The following BRF1 variants were observed in gnomAD, a reference collection of about 807,000 sequenced individuals.
BRF1 encodes the protein transcription factor IIIB 90 kDa subunit.
A neutral mutation model predicts 81.7 loss-of-function variants in BRF1; 59 were observed. That is an observed-to-expected ratio of 0.72 (90% CI 0.59 to 0.90). The LOEUF (loss-of-function observed/expected upper bound fraction) is 0.90, where lower values mean the gene tolerates loss of function less well. Ranked by LOEUF, BRF1 falls within the 40% of genes least tolerant of loss-of-function variation. The probability of loss-of-function intolerance (pLI) is 0.00; values close to 1 mark genes in which losing one functional copy is unlikely to be tolerated. For synonymous variants in BRF1, 491 were observed against 395.6 expected (o/e 1.24, Z -2.86); for missense variants, 1,050 against 936.3 (o/e 1.12, Z -1.58).
At chr14:105,246,757 T>C in intron 5 of BRF1, 4 of 967,054 alleles carry the variant, frequency 4.1e-6, no homozygotes, top group Non-Finnish European at 4.9e-6. Context: ...GCGCCCAACC[T>C]ACACTGTAAC....
At chr14:105,222,560 C>T (rs1409619426) in intron 10 of BRF1, 2 of 152,364 alleles carry the variant, frequency 1.3e-5, no homozygotes, top group African/African-American at 2.4e-5. Flanking sequence ...GGCCGCACTT[C>T]CCAGACAGGG....
rs1199737845 is a variant in BRF1 at position 105,223,880 on chromosome 14, C to A, written c.1049-1966G>T. ...GAACTTTCACGGGAGGAATGTGACTCCTCCTCCTTGAGCTACGTGTTCATT... is the reference window on the plus strand; with the variant it reads ...GAACTTTCACGGGAGGAATGTGACTACTCCTCCTTGAGCTACGTGTTCATT... On this transcript the variant is annotated intron_variant, in intron 10 of 17. Transcript: ENST00000547530. 4.6e-5 allele frequency among the ~76,000 whole-genome samples: 7 copies of A among 152,250 alleles called. No homozygotes were observed. The East Asian group carries it at 5.8e-4, about 13-fold the overall frequency.
At chr14:105,241,184 G>A in intron 6 of BRF1, 81 bp downstream of exon 6, 1 of 1,567,744 alleles carries the variant, frequency 6.4e-7, no homozygotes, top group South Asian at 1.1e-5. Flanking sequence ...ATACGGCCCA[G>A]CCCACCAGCA....
Position 105,209,396 on chromosome 14 carries a change from AG to A in BRF1, c.*1154del, listed in dbSNP as rs757319706. 9 of 643,984 alleles carry A rather than the reference AG, an allele frequency of 1.4e-5. No individual in the cohort carries two copies. Among genetic ancestry groups the A allele is most frequent in the East Asian group, 1.1e-4 (4 of 35,396 alleles). 39.9% of individuals were successfully genotyped at this position (643,984 alleles called of 1,614,324 possible). A position where few individuals can be genotyped will look rare whatever the true frequency, so the allele number is the denominator to read the frequency against. On this transcript the variant is annotated 3_prime_UTR_variant, in exon 18 of 18. Transcript: ENST00000547530. Reference sequence around the variant, plus strand: ...TGGCTACTGAGCTCTGGGCGGGGGTAGGGGGGTCTGGCCTGCTGCGGGCCAA... The same window carrying A: ...TGGCTACTGAGCTCTGGGCGGGGGTAGGGGGTCTGGCCTGCTGCGGGCCAA...
At chr14:105,215,450 CTGTG>C (rs763322543) in intron 15 of BRF1, among the ~76,000 whole-genome samples, 132 of 152,224 alleles carry the variant, frequency 8.7e-4, no homozygotes, top group Non-Finnish European at 1.5e-3. Flanking sequence ...CAGGCACACA[CTGTG>C]TGCAGACACC....
At chr14:105,212,407 A>G (rs955173811) in intron 15 of BRF1, 5 of 492,460 alleles carry the variant, frequency 1.0e-5, no homozygotes, top group African/African-American at 9.8e-5. Context: ...GAAGCTGCAG[A>G]CGCCCCGCTC....
At chr14:105,280,838 G>A (rs1034974988) in intron 2 of BRF1, among the ~76,000 whole-genome samples, 1 of 151,132 alleles carries the variant, frequency 6.6e-6, no homozygotes, top group Non-Finnish European at 1.5e-5. Context: ...GGTGGAGGCT[G>A]CATGACCCTG....
intron 1 of BRF1, among the ~76,000 whole-genome samples, chr14:105,299,117 G>A (rs911227412): frequency 1.3e-5 from 2 of 152,074 alleles, no homozygotes; most frequent in African/African-American, 4.8e-5. Flanking sequence ...AGCTTGCAGT[G>A]AGCCGAGATC....
At chr14:105,274,755 A>G (rs73353763) in intron 2 of BRF1, among the ~76,000 whole-genome samples, 5,409 of 152,274 alleles carry the variant, frequency 0.036, 175 homozygotes, top group African/African-American at 0.085. Flanking sequence ...CACCTGGGCC[A>G]ACCTCACTGC....
chr14:105,290,813 C>A (rs1215083196), intron 1 of BRF1, among the ~76,000 whole-genome samples: 1 of 151,974 alleles, frequency 6.6e-6, no homozygotes, highest in Non-Finnish European at 1.5e-5. Context: ...TGTCCCCCAA[C>A]ACCACAGTCA....
intron 1 of BRF1, among the ~76,000 whole-genome samples, chr14:105,308,390 G>A (rs587737856): frequency 2.6e-5 from 4 of 152,260 alleles, no homozygotes; most frequent in Non-Finnish European, 4.4e-5. Context: ...GCTGAAGAGG[G>A]AGGATTGCCT....
chr14:105,300,316 G>T, intron 1 of BRF1, 130 bp downstream of exon 1: 1 of 1,061,748 alleles, frequency 9.4e-7, no homozygotes, highest in Non-Finnish European at 1.3e-6. Context: ...CTCGCGCCCA[G>T]ACGGCGCAGA....
chr14:105,215,493 G>A (rs917251636), intron 15 of BRF1, among the ~76,000 whole-genome samples: 2 of 150,428 alleles, frequency 1.3e-5, no homozygotes, highest in South Asian at 2.1e-4. Flanking sequence ...CACGTACTGA[G>A]TGCACCAACG....
intron 15 of BRF1, among the ~76,000 whole-genome samples, chr14:105,215,981 T>TAA: frequency 1.3e-5 from 1 of 75,840 alleles, no homozygotes; most frequent in Admixed American, 1.3e-4. Flanking sequence ...ACACACTGCA[T>TAA]ACACAGGCGC....
At chr14:105,304,234 G>A (rs2140636573), upstream of BRF1, among the ~76,000 whole-genome samples, 1 of 152,326 alleles carries the variant, frequency 6.6e-6, no homozygotes, top group East Asian at 1.9e-4. Flanking sequence ...GCTCAGGACT[G>A]TAATCCCAGC....
At chr14:105,281,833 G>A (rs1400316543) in intron 2 of BRF1, among the ~76,000 whole-genome samples, 1 of 151,666 alleles carries the variant, frequency 6.6e-6, no homozygotes, top group African/African-American at 2.4e-5. Flanking sequence ...GGTGCTTTCT[G>A]AGCTGCTGCA....
chr14:105,215,291 A>C (rs1487146497), intron 15 of BRF1, among the ~76,000 whole-genome samples: 1 of 152,042 alleles, frequency 6.6e-6, no homozygotes, highest in Non-Finnish European at 1.5e-5. Context: ...CATAGAGACA[A>C]AGACCTGCAC....
At chr14:105,222,961 C>T (rs1595289453) in intron 10 of BRF1, among the ~76,000 whole-genome samples, 1 of 152,124 alleles carries the variant, frequency 6.6e-6, no homozygotes. Flanking sequence ...ACAGGCAGTT[C>T]GTGGCCGCCC....
At chr14:105,268,954 G>A (rs913794375) in intron 3 of BRF1, among the ~76,000 whole-genome samples, 11 of 152,236 alleles carry the variant, frequency 7.2e-5, no homozygotes, top group African/African-American at 2.4e-4. Flanking sequence ...AGTGGGTGGA[G>A]CTATTGAGGA....
Sources: allele counts gnomAD v4.1 joint callset (sites outside exome capture counted in the v4.1 genomes callset), GRCh38; gene constraint gnomAD v4.1.1; transcripts MANE v1.5; gene names NCBI Gene and HGNC (gene_info 2026-07-23, HGNC 2026-07-21).